GXYLT1: variants seen among roughly 807,000 people sequenced by gnomAD.
The protein encoded by GXYLT1 is glycosyltransferase 8 domain containing 3.
A neutral mutation model predicts 54.0 loss-of-function variants in GXYLT1; 29 were observed. The ratio of observed to expected loss-of-function variants is 0.54; its 90% CI spans 0.40 to 0.73. The LOEUF (loss-of-function observed/expected upper bound fraction) is 0.73, where lower values mean the gene tolerates loss of function less well. Among genes scored for constraint, GXYLT1 ranks in the 30% least tolerant of loss-of-function variants. The probability of loss-of-function intolerance (pLI) is 0.00; values close to 1 mark genes in which losing one functional copy is unlikely to be tolerated. For missense variants in GXYLT1, 490 were observed against 553.4 expected (o/e 0.89, Z 1.15); for synonymous variants, 176 against 204.1 (o/e 0.86, Z 1.17).
chr12:42,143,927 A>G (rs2065665054), intron 1 of GXYLT1, among the ~76,000 whole-genome samples: 1 of 152,194 alleles, frequency 6.6e-6, no homozygotes, highest in South Asian at 2.1e-4. Flanking sequence ...TTAACTAACC[A>G]TGGCTAATAC....
intron 1 of GXYLT1, among the ~76,000 whole-genome samples, chr12:42,133,165 C>T (rs984826779): frequency 6.6e-6 from 1 of 152,048 alleles, no homozygotes; most frequent in African/African-American, 2.4e-5. Context: ...GTAATCCCAG[C>T]TACTCAGGAG....
chr12:42,126,158 C>T (rs1434189617), intron 2 of GXYLT1, among the ~76,000 whole-genome samples: 1 of 151,452 alleles, frequency 6.6e-6, no homozygotes, highest in East Asian at 1.9e-4. Context: ...ACTGCAACCT[C>T]TCCCTCCCGG....
intron 4 of GXYLT1, among the ~76,000 whole-genome samples, chr12:42,109,183 T>C (rs933066813): frequency 6.6e-6 from 1 of 152,176 alleles, no homozygotes; most frequent in Non-Finnish European, 1.5e-5. Context: ...CTCTACCTCA[T>C]TTCTCAAACT....
At chr12:42,100,109 T>A (rs899623689) in intron 5 of GXYLT1, among the ~76,000 whole-genome samples, 2 of 152,130 alleles carry the variant, frequency 1.3e-5, no homozygotes, top group African/African-American at 4.8e-5. Context: ...GTTAAATACT[T>A]AAGGGAGCAA....
At position 42,133,609 on chromosome 12, in the gene GXYLT1, C is replaced by G. The variant is rs114457199; in HGVS notation, c.222-3758G>C. ...ATTCTGATCTACCAACCTACTGGTT[C>G]CTCCCCAACTCACAGAAAACTAGCA... On this transcript the variant is annotated intron_variant, in intron 1 of 7. Transcript: ENST00000398675. Among the ~76,000 whole-genome samples the G allele has an allele frequency of 8.0e-3, 1,216 of 152,294 alleles. 18 individuals carry two copies. The highest frequency in any genetic ancestry group is 0.027 in the African/African-American group (1,104 of 41,562).
intron 1 of GXYLT1, among the ~76,000 whole-genome samples, chr12:42,135,525 C>A (rs1033244417): frequency 2.6e-5 from 4 of 152,134 alleles, no homozygotes; most frequent in Non-Finnish European, 5.9e-5. Context: ...ATGCTCAGAG[C>A]AGCATTATTC....
chr12:42,137,118 G>T (rs535316281), intron 1 of GXYLT1, among the ~76,000 whole-genome samples: 1 of 152,240 alleles, frequency 6.6e-6, no homozygotes, highest in South Asian at 2.1e-4. Context: ...AAATGTCCAA[G>T]ATAGGAGGCT....
intron 3 of GXYLT1, among the ~76,000 whole-genome samples, chr12:42,114,550 G>A (rs951410981): frequency 2.0e-5 from 3 of 152,158 alleles, no homozygotes; most frequent in Non-Finnish European, 2.9e-5. Context: ...TAAATTCCTC[G>A]ACACATACAT....
chr12:42,144,451 C>A lies in GXYLT1; in HGVS notation c.196G>T (p.Ala66Ser). ...CTGTCCGACACGCCGGGATGCGCTGCGGGGCCCGCGACGCCGGCGCCTCTC... is the reference window on the plus strand; with the variant it reads ...CTGTCCGACACGCCGGGATGCGCTGAGGGGCCCGCGACGCCGGCGCCTCTC... Reference protein sequence around the residue: ...AVRGAGVAGPAAHPGVSDRCK... With the variant: ...AVRGAGVAGPSAHPGVSDRCK... The change falls in exon 1 of 8, where the codon GCA becomes TCA. Residue 66 changes from alanine to serine, a missense_variant. Ala to Ser is a moderately conservative substitution (Grantham distance 99). Transcript: ENST00000398675. 2 of 1,314,644 alleles carry A rather than the reference C, an allele frequency of 1.5e-6. No homozygotes were observed. Among genetic ancestry groups the A allele is most frequent in the South Asian group, 2.1e-5 (1 of 47,744 alleles). 81.4% of individuals were successfully genotyped at this position (1,314,644 alleles called of 1,614,324 possible).
chr12:42,104,760 T>C (rs896665467), intron 5 of GXYLT1, among the ~76,000 whole-genome samples: 1 of 152,154 alleles, frequency 6.6e-6, no homozygotes, highest in Non-Finnish European at 1.5e-5. Context: ...TTCCACCAGA[T>C]ACCATGTGAA....
At chr12:42,114,419 T>C (rs921274967) in intron 3 of GXYLT1, among the ~76,000 whole-genome samples, 1 of 151,990 alleles carries the variant, frequency 6.6e-6, no homozygotes, top group African/African-American at 2.4e-5. Flanking sequence ...AAGAATCAAA[T>C]ACACGCAATA....
At chr12:42,139,682 A>C (rs571267959) in intron 1 of GXYLT1, among the ~76,000 whole-genome samples, 1 of 152,364 alleles carries the variant, frequency 6.6e-6, no homozygotes, top group South Asian at 2.1e-4. Context: ...AGCAGCCCAA[A>C]GAAACCAAGA....
At chr12:42,096,294 C>CT (rs1397583320) in intron 7 of GXYLT1, among the ~76,000 whole-genome samples, 1 of 152,062 alleles carries the variant, frequency 6.6e-6, no homozygotes, top group African/African-American at 2.4e-5. Context: ...TGACAGATGA[C>CT]TAATTTCAAC....
chr12:42,129,286 C>G (rs1791800676), intron 2 of GXYLT1, among the ~76,000 whole-genome samples: 1 of 152,178 alleles, frequency 6.6e-6, no homozygotes, highest in African/African-American at 2.4e-5. Context: ...GGAGCTGCTC[C>G]TCCATCTGCT....
chr12:42,091,553 T>C (rs1033107327), intron 7 of GXYLT1, among the ~76,000 whole-genome samples: 25 of 152,172 alleles, frequency 1.6e-4, no homozygotes, highest in African/African-American at 5.8e-4. Flanking sequence ...TAATAAAGCA[T>C]TATTAAAATA....
chr12:42,119,168 G>GTAC lies in GXYLT1; in HGVS notation c.315_317dup (p.Arg105_Tyr106insTer). 1 of 1,409,644 alleles carries GTAC rather than the reference G, an allele frequency of 7.1e-7. No individual in the cohort carries two copies. The highest frequency in any genetic ancestry group is 9.3e-7 in the Non-Finnish European group (1 of 1,072,500). 87.3% of individuals were successfully genotyped at this position (1,409,644 alleles called of 1,614,324 possible). A position where few individuals can be genotyped will look rare whatever the true frequency, so the allele number is the denominator to read the frequency against. On this transcript the variant is annotated stop_gained, in exon 3 of 8. Transcript: ENST00000398675. LOFTEE classifies it high-confidence loss of function. Reference sequence around the variant, plus strand: ...TCTCAACAGGCTGTATTTTCAGACTGTACCTAATAGGAAAGAAAACCACAT... The same window carrying GTAC: ...TCTCAACAGGCTGTATTTTCAGACTGTACTACCTAATAGGAAAGAAAACCACAT...
intron 5 of GXYLT1, among the ~76,000 whole-genome samples, chr12:42,098,333 C>G (rs1314239790): frequency 6.6e-6 from 1 of 152,070 alleles, no homozygotes; most frequent in Admixed American, 6.5e-5. Context: ...TCTGGGCCTA[C>G]GTCAGAGTTG....
intron 3 of GXYLT1, 150 bp from the exon 4 acceptor site, chr12:42,109,841 C>A: frequency 1.9e-6 from 1 of 514,642 alleles, no homozygotes. Flanking sequence ...TCTGTTCCAC[C>A]ACTGTATTTG....
intron 1 of GXYLT1, among the ~76,000 whole-genome samples, chr12:42,141,938 T>C (rs1442247512): frequency 6.6e-6 from 1 of 152,202 alleles, no homozygotes; most frequent in East Asian, 1.9e-4. Flanking sequence ...CTCCAAGTCT[T>C]TTGTCGTCAT....
Sources: allele counts gnomAD v4.1 joint callset (sites outside exome capture counted in the v4.1 genomes callset), GRCh38; gene constraint gnomAD v4.1.1; transcripts MANE v1.5; gene names NCBI Gene and HGNC (gene_info 2026-07-23, HGNC 2026-07-21).